Variants in OTOA observed in about 807,000 individuals in gnomAD.
OTOA encodes the protein cancer/testis antigen 108.
OTOA carries 70 observed loss-of-function variants against 110.8 expected under a neutral mutation model. The observed-to-expected ratio is 0.63, with a 90% CI of 0.52 to 0.77. The LOEUF (loss-of-function observed/expected upper bound fraction) is 0.77. Among genes scored for constraint, OTOA ranks in the 30% least tolerant of loss-of-function variants. The probability of loss-of-function intolerance (pLI) is 0.00; values close to 1 mark genes in which losing one functional copy is unlikely to be tolerated. For missense variants in OTOA, 917 were observed against 1,075.8 expected (o/e 0.85, Z 2.06); for synonymous variants, 373 against 431.5 (o/e 0.86, Z 1.68).
intron 9 of OTOA, among the ~76,000 whole-genome samples, chr16:21,694,928 A>G (rs925366563): frequency 6.6e-6 from 1 of 152,198 alleles, no homozygotes; most frequent in Admixed American, 6.5e-5. Flanking sequence ...CTCTACCTTC[A>G]GACTTCTCTG....
intron 8 of OTOA, 67 bp downstream of exon 8, chr16:21,687,715 T>C (rs1897748081): frequency 6.7e-6 from 9 of 1,342,756 alleles, no homozygotes; most frequent in Non-Finnish European, 9.3e-6. Flanking sequence ...TCGCCCAGGT[T>C]GGAGTGCAGT....
intron 13 of OTOA, 115 bp downstream of exon 13, chr16:21,710,218 T>G: frequency 2.6e-6 from 3 of 1,152,542 alleles, no homozygotes; most frequent in Admixed American, 4.1e-5. Context: ...AACATAAATT[T>G]ATTTCTCACA....
intron 13 of OTOA, among the ~76,000 whole-genome samples, chr16:21,714,423 CCTTT>C (rs1285699164): frequency 5.1e-5 from 7 of 138,114 alleles, no homozygotes; most frequent in South Asian, 4.7e-4. Flanking sequence ...TTCTTTCTTT[CCTTT>C]CTTTCTCTCT....
At chr16:21,744,357 GGCT>G (rs1447584414) in intron 23 of OTOA, among the ~76,000 whole-genome samples, 3 of 151,892 alleles carry the variant, frequency 2.0e-5, no homozygotes, top group Admixed American at 6.6e-5. Context: ...ATGTTGGCCA[GGCT>G]GGTCTTGAAC....
intron 9 of OTOA, among the ~76,000 whole-genome samples, chr16:21,692,904 G>C (rs1217863836): frequency 7.1e-6 from 1 of 141,070 alleles, no homozygotes; most frequent in East Asian, 2.1e-4. Context: ...CTGCATCCTG[G>C]GTGACAGAGT....
chr16:21,668,932 CT>C (rs1966845581), intron 1 of OTOA, among the ~76,000 whole-genome samples: 1 of 151,972 alleles, frequency 6.6e-6, no homozygotes, highest in Admixed American at 6.6e-5. Flanking sequence ...CTGGCTGCAC[CT>C]AGTCTACTCA....
In OTOA at chr16:21,730,672, T is replaced by A. The variant is rs1344019039; in HGVS notation, c.2208-165T>A. ...AACTCCCAGGGATGACTCTGATTGGTCAGCCTGCATCACATGCCAATTTTC... is the reference window on the plus strand; with the variant it reads ...AACTCCCAGGGATGACTCTGATTGGACAGCCTGCATCACATGCCAATTTTC... On this transcript the variant is annotated intron_variant, in intron 20 of 28. Transcript: ENST00000646100. 1.8e-5 allele frequency: 11 copies of A among 601,008 alleles called. 1 individual carries two copies. The highest frequency in any genetic ancestry group is 7.2e-5 in the Admixed American group (3 of 41,712). 37.2% of individuals were successfully genotyped at this position (601,008 alleles called of 1,614,324 possible). A position where few individuals can be genotyped will look rare whatever the true frequency, so the allele number is the denominator to read the frequency against.
chr16:21,667,814 C>G (rs1966843647), intron 1 of OTOA, among the ~76,000 whole-genome samples: 1 of 152,008 alleles, frequency 6.6e-6, no homozygotes, highest in Admixed American at 6.6e-5. Context: ...TTTATAGACA[C>G]TTAAATTTAA....
rs367679697 is a variant in OTOA, at chr16:21,685,355, C to G, written c.393C>G (p.Asp131Glu). Residue 131 changes from aspartate (D) to glutamate (E), a missense_variant, in exon 7 of 29, where the codon GAC becomes GAG. Around this residue, in one of 6 missense-constraint regions of OTOA, gnomAD observed 840 missense variants for 910.2 expected, o/e 0.92. Coordinates refer to ENST00000646100, the MANE Select transcript of OTOA (RefSeq NM_144672.4). ...AATGCCTCTTAGAAGACAAGAAGGACGGCTTGGTGAGGAGCCCTTGGCATC... is the reference window on the plus strand; with the variant it reads ...AATGCCTCTTAGAAGACAAGAAGGAGGGCTTGGTGAGGAGCCCTTGGCATC... Reference protein sequence around the residue: ...AMKCLLEDKKDGLDLKDIIID... With the variant: ...AMKCLLEDKKEGLDLKDIIID... The G allele has an allele frequency of 2.5e-6, 4 of 1,611,082 alleles. No homozygotes were observed. Among genetic ancestry groups the G allele is most frequent in the Middle Eastern group, 1.6e-4 (1 of 6,066 alleles).
At chr16:21,733,223 A>C (rs1191259919) in intron 21 of OTOA, among the ~76,000 whole-genome samples, 1 of 126,602 alleles carries the variant, frequency 7.9e-6, no homozygotes, top group Non-Finnish European at 1.7e-5. Context: ...CTAAAAACAC[A>C]AGAGCATATA....
In OTOA at chr16:21,736,645, A is replaced by G. The variant is rs369255622; in HGVS notation, c.2431+255A>G. 2.0e-5 allele frequency among the ~76,000 whole-genome samples: 3 copies of G among 152,212 alleles called. No individual in the cohort carries two copies. In the East Asian group the frequency reaches 5.8e-4, roughly 29 times the overall value. On this transcript the variant is annotated intron_variant, in intron 22 of 28. Transcript: ENST00000646100. ...CAGGAGTTCGAGACCAGCCTGGCCA[A>G]CATGGCGAAACCCTGTCTCTACTAG...
chr16:21,684,535 A>G (rs1226525982), intron 6 of OTOA: 26 of 1,550,840 alleles, frequency 1.7e-5, no homozygotes, highest in Non-Finnish European at 2.1e-5. Context: ...GGGAAACTCA[A>G]TCACCTACAG....
At chr16:21,688,074 G>T (rs567181236) in intron 8 of OTOA, among the ~76,000 whole-genome samples, 1 of 152,080 alleles carries the variant, frequency 6.6e-6, no homozygotes, top group Non-Finnish European at 1.5e-5. Flanking sequence ...TGATATGCAC[G>T]TTTTGGAGCA....
At chr16:21,701,636 T>G (rs912274898) in intron 11 of OTOA, among the ~76,000 whole-genome samples, 1 of 152,172 alleles carries the variant, frequency 6.6e-6, no homozygotes, top group Non-Finnish European at 1.5e-5. Flanking sequence ...TTTATTTTTT[T>G]GAGACAGAGT....
At chr16:21,706,739 C>T (rs1898178865) in intron 12 of OTOA, among the ~76,000 whole-genome samples, 1 of 151,154 alleles carries the variant, frequency 6.6e-6, no homozygotes. Flanking sequence ...TCAATAATTT[C>T]ACAGCAGTTT....
At chr16:21,709,818 C>T in intron 12 of OTOA, 70 bp from the exon 13 acceptor site, 1 of 1,371,918 alleles carries the variant, frequency 7.3e-7, no homozygotes, top group Non-Finnish European at 1.0e-6. Flanking sequence ...CCTAATAGCC[C>T]TGGATATGGT....
chr16:21,719,576 G>A (rs1898666261), intron 17 of OTOA, 72 bp downstream of exon 17: 1 of 1,360,732 alleles, frequency 7.3e-7, no homozygotes, highest in Non-Finnish European at 1.1e-6. Flanking sequence ...ATTGGCTGTG[G>A]CATCTAAAGA....
At chr16:21,684,361 A>C in intron 6 of OTOA, 1 of 1,400,612 alleles carries the variant, frequency 7.1e-7, no homozygotes, top group Admixed American at 2.6e-5. Context: ...AGCAGAGGAA[A>C]TCTCTTTCAG....
At chr16:21,736,465 A>G in intron 22 of OTOA, 75 bp downstream of exon 22, 1 of 1,537,096 alleles carries the variant, frequency 6.5e-7, no homozygotes, top group Non-Finnish European at 9.0e-7. Context: ...TGACATCAAG[A>G]GGCCTCCTTA....
Sources: gnomAD v4.1 joint callset for allele counts (sites outside exome capture counted in the v4.1 genomes callset) on GRCh38, gnomAD v4.1.1 for gene constraint, gnomAD v4.1.1 regional missense constraint, MANE v1.5 for transcripts, NCBI Gene and HGNC (gene_info 2026-07-23, HGNC 2026-07-21) for gene names.